The following UGT1A6 variants were observed in gnomAD, a reference collection of about 807,000 sequenced individuals.
UGT1A6 encodes UDP-glucuronosyltransferase 1A6.
Under a neutral mutation model 44.4 loss-of-function variants are expected in UGT1A6, and 32 were observed. That is an observed-to-expected ratio of 0.72 (90% CI 0.54 to 0.97). The LOEUF (loss-of-function observed/expected upper bound fraction) is 0.97. Ranked by LOEUF, UGT1A6 falls within the 50% of genes least tolerant of loss-of-function variation. The pLI is 0.00. For missense variants in UGT1A6, 685 were observed against 661.9 expected, an observed-to-expected ratio of 1.03 and a Z score of -0.38; for synonymous variants, 238 against 248.5, an observed-to-expected ratio of 0.96 and a Z score of 0.40.
chr2:233,729,457 T>C, intron 1 of UGT1A6: 1 of 1,614,120 alleles, frequency 6.2e-7, no homozygotes, highest in Non-Finnish European at 8.5e-7. Flanking sequence ...GAAGAAATTT[T>C]TCAGAAGTAT....
intron 1 of UGT1A6, chr2:233,719,575 C>T: frequency 6.2e-7 from 1 of 1,613,950 alleles, no homozygotes; most frequent in Non-Finnish European, 8.5e-7. Context: ...GTCAGCTATG[C>T]ATCCGTGTGG....
chr2:233,699,787 C>T (rs1396107270), intron 1 of UGT1A6, among the ~76,000 whole-genome samples: 1 of 152,204 alleles, frequency 6.6e-6, no homozygotes, highest in South Asian at 2.1e-4. Flanking sequence ...CAAGTTTCCT[C>T]CTCTCATATT....
At chr2:233,768,587 T>TC in intron 4 of UGT1A6, 148 bp downstream of exon 4, 1 of 888,352 alleles carries the variant, frequency 1.1e-6, no homozygotes, top group Non-Finnish European at 1.4e-6. Context: ...TTCTTCTTTT[T>TC]TTTTTTTTTT....
intron 1 of UGT1A6, among the ~76,000 whole-genome samples, chr2:233,701,227 A>G (rs1158815086): frequency 1.3e-5 from 2 of 152,172 alleles, no homozygotes; most frequent in African/African-American, 4.8e-5. Flanking sequence ...TCCTTTGGGT[A>G]TATACCCAGT....
rs774620598 is a variant in UGT1A6 at position 233,693,296 on chromosome 2, C to T, written c.292C>T (p.His98Tyr). ...KNRYQSFGNN[H>Y]FAERSFLTAP... ...CCGTTACCAATCATTTGGAAACAATCACTTTGCTGAGCGATCATTCCTAAC... is the reference window on the plus strand; with the variant it reads ...CCGTTACCAATCATTTGGAAACAATTACTTTGCTGAGCGATCATTCCTAAC... Residue 98 changes from histidine to tyrosine, a missense_variant, in exon 1 of 5, where the codon CAC (histidine) becomes TAC (tyrosine). Transcript: ENST00000305139. The T allele has an allele frequency of 1.2e-6, 2 of 1,614,126 alleles. No homozygotes were observed. The highest frequency in any genetic ancestry group is 3.3e-5 in the Admixed American group (2 of 60,026).
Position 233,767,165 on chromosome 2 carries a change from A to G in UGT1A6, c.993A>G (p.Thr331=). 2.5e-6 allele frequency: 4 copies of G among 1,614,130 alleles called. No individual in the cohort carries two copies. Among genetic ancestry groups the G allele is most frequent in the Non-Finnish European group, 3.4e-6 (4 of 1,180,004 alleles). ...IADALGKIPQ[T]VLWRYTGTRP... is the part of the protein sequence containing the mutation. ...ATGCTTTGGGCAAAATCCCTCAGAC[A>G]GTAAGAAGATTCTATACCATGGCCT... The change falls in exon 2 of 5, where the codon ACA becomes ACG. Residue 331 remains threonine (T), a splice_region_variant and synonymous_variant. Transcript: ENST00000305139.
At chr2:233,704,702 C>A (rs1232515090) in intron 1 of UGT1A6, among the ~76,000 whole-genome samples, 1 of 152,078 alleles carries the variant, frequency 6.6e-6, no homozygotes, top group African/African-American at 2.4e-5. Context: ...GGTATCATTT[C>A]TTAGCCCAAT....
At chr2:233,754,255 AG>A in intron 1 of UGT1A6, 1 of 170,204 alleles carries the variant, frequency 5.9e-6, no homozygotes, top group Admixed American at 5.6e-5. Context: ...CAACGGAAAA[AG>A]GTAAGGCTCA....
chr2:233,703,685 T>G (rs1041674498), intron 1 of UGT1A6, among the ~76,000 whole-genome samples: 1 of 152,164 alleles, frequency 6.6e-6, no homozygotes, highest in East Asian at 1.9e-4. Context: ...ATATTTTTTT[T>G]CCACCATTTA....
intron 1 of UGT1A6, chr2:233,718,019 C>T: frequency 2.6e-6 from 1 of 391,762 alleles, no homozygotes; most frequent in Non-Finnish European, 5.1e-6. Flanking sequence ...GGCTCCAGCT[C>T]CCCAGGTCCT....
chr2:233,725,861 T>C (rs1225689926), intron 1 of UGT1A6, among the ~76,000 whole-genome samples: 2 of 152,194 alleles, frequency 1.3e-5, no homozygotes, highest in East Asian at 1.9e-4. Context: ...ATTCCCCATC[T>C]CTTTTAATTT....
intron 1 of UGT1A6, chr2:233,729,450 G>C (rs1394250627): frequency 3.1e-6 from 5 of 1,614,082 alleles, no homozygotes; most frequent in Non-Finnish European, 3.4e-6. Flanking sequence ...ATTTTCTGAA[G>C]AAATTTTTCA....
At chr2:233,726,177 A>G (rs2077512621) in intron 1 of UGT1A6, among the ~76,000 whole-genome samples, 2 of 152,148 alleles carry the variant, frequency 1.3e-5, no homozygotes, top group South Asian at 4.2e-4. Context: ...AAAAAATAAA[A>G]ATTTCTTTGG....
rs574418679 is a variant in UGT1A6 at position 233,719,623 on chromosome 2, C to T, written c.861+25758C>T. 4.0e-5 allele frequency: 64 copies of T among 1,614,006 alleles called. No individual in the cohort carries two copies. The highest frequency in any genetic ancestry group is 2.3e-4 in the African/African-American group (17 of 75,004). On this transcript the variant is annotated intron_variant, in intron 1 of 4. Transcript: ENST00000305139. ...GACTTTGTGATGGACTACCCCAGGC[C>T]GATCATGCCCAACATGGTCTTCATT...
At chr2:233,718,827 A>T (rs1411325211) in intron 1 of UGT1A6, 1 of 1,613,418 alleles carries the variant, frequency 6.2e-7, no homozygotes, top group Non-Finnish European at 8.5e-7. Context: ...TGAGATGGCC[A>T]GAGGACTCCA....
chr2:233,763,406 T>A (rs1698303480), intron 1 of UGT1A6, among the ~76,000 whole-genome samples: 1 of 152,236 alleles, frequency 6.6e-6, no homozygotes, highest in African/African-American at 2.4e-5. Context: ...GGCACTGGTA[T>A]TTTTAATCCA....
At chr2:233,735,337 C>CT (rs939538517) in intron 1 of UGT1A6, among the ~76,000 whole-genome samples, 10 of 150,780 alleles carry the variant, frequency 6.6e-5, no homozygotes, top group South Asian at 2.1e-4. Context: ...GCAACCCCTG[C>CT]TTTTTTTTTG....
Position 233,767,908 on chromosome 2 carries a change from T to G in UGT1A6, c.1053T>G (p.Val351=). 6.2e-7 allele frequency: 1 copy of G among 1,614,222 alleles called. No homozygotes were observed. The highest frequency in any genetic ancestry group is 8.5e-7 in the Non-Finnish European group (1 of 1,180,050). ...PSNLANNTIL[V]KWLPQNDLLG... is the part of the protein sequence containing the mutation. ...ATCTTGCGAACAACACGATACTTGTTAAGTGGCTACCCCAAAACGATCTGC... is the reference window on the plus strand; with the variant it reads ...ATCTTGCGAACAACACGATACTTGTGAAGTGGCTACCCCAAAACGATCTGC... The change falls in exon 3 of 5, where the codon GTT becomes GTG. Residue 351 remains valine (V), a synonymous_variant. Transcript: ENST00000305139.
intron 1 of UGT1A6, chr2:233,760,930 A>T: frequency 6.2e-7 from 1 of 1,614,176 alleles, no homozygotes; most frequent in East Asian, 2.2e-5. Context: ...GAACATGCTC[A>T]TTGCCTTTTC....
Sources: allele counts gnomAD v4.1 joint callset (sites outside exome capture counted in the v4.1 genomes callset), GRCh38; gene constraint gnomAD v4.1.1; transcripts MANE v1.5; gene names NCBI Gene and HGNC (gene_info 2026-07-23, HGNC 2026-07-21).